Variants in DNAH14 observed in about 807,000 individuals in gnomAD.
The protein encoded by DNAH14 is axonemal beta dynein heavy chain 14.
A neutral mutation model predicts 520.9 loss-of-function variants in DNAH14; 478 were observed. That is an observed-to-expected ratio of 0.92 (90% confidence interval 0.85 to 0.99). The LOEUF is 0.99. Ranked by LOEUF, DNAH14 falls within the 50% of genes least tolerant of loss-of-function variation. The probability of loss-of-function intolerance (pLI) is 0.00; values close to 1 mark genes in which losing one functional copy is unlikely to be tolerated. For missense variants in DNAH14, 4,831 were observed against 5,234.5 expected (o/e 0.92, Z 2.38); for synonymous variants, 1,581 against 1,757.2 (o/e 0.90, Z 2.51).
In DNAH14 at chr1:225,232,094, A is replaced by G. The variant is rs1257207391; in HGVS notation, c.6518+943A>G. On this transcript the variant is annotated intron_variant, in intron 42 of 85. Transcript: ENST00000682510. The surrounding 1 kb of genome is among the most constrained non-coding windows in gnomAD (Gnocchi z 4.2). ...GTACTTATTAATATGTTTCAAAATAATATTTTTTAGCTTTGTGTGTTTTTA... is the reference window on the plus strand; with the variant it reads ...GTACTTATTAATATGTTTCAAAATAGTATTTTTTAGCTTTGTGTGTTTTTA... 6.6e-6 allele frequency among the ~76,000 whole-genome samples: 1 copy of G among 152,158 alleles called. No individual in the cohort carries two copies. The highest frequency in any genetic ancestry group is 6.6e-5 in the Admixed American group (1 of 15,260).
chr1:225,386,189 G>T (rs1019403599), intron 81 of DNAH14, among the ~76,000 whole-genome samples: 3 of 152,334 alleles, frequency 2.0e-5, no homozygotes, highest in African/African-American at 7.2e-5. Flanking sequence ...GTAGAAAGCT[G>T]AAACTGGATC....
chr1:225,033,513 G>A (rs1309175303), intron 11 of DNAH14, among the ~76,000 whole-genome samples: 1 of 151,894 alleles, frequency 6.6e-6, no homozygotes, highest in Non-Finnish European at 1.5e-5. Context: ...GGGTGATGCG[G>A]TTCTTCCAGC....
chr1:225,308,946 T>C (rs1197025236), intron 60 of DNAH14, among the ~76,000 whole-genome samples: 1 of 152,190 alleles, frequency 6.6e-6, no homozygotes, highest in East Asian at 1.9e-4. Flanking sequence ...TTGTCTTCCA[T>C]GTACAAAGGT....
intron 11 of DNAH14, 194 bp downstream of exon 11, chr1:225,024,059 G>T: frequency 8.3e-7 from 1 of 1,211,500 alleles, no homozygotes; most frequent in Non-Finnish European, 1.0e-6. Context: ...GCTATAGGAT[G>T]CGCAGTAAAA....
intron 1 of DNAH14, among the ~76,000 whole-genome samples, chr1:224,933,527 C>T (rs2058831631): frequency 6.6e-6 from 1 of 152,022 alleles, no homozygotes; most frequent in Non-Finnish European, 1.5e-5. Flanking sequence ...GAAAGGCTTT[C>T]AACTTTAATC....
intron 54 of DNAH14, among the ~76,000 whole-genome samples, chr1:225,286,286 A>G (rs2149963342): frequency 6.6e-6 from 1 of 152,296 alleles, no homozygotes; most frequent in Non-Finnish European, 1.5e-5. Context: ...TGTTTTCAAA[A>G]TGCTAGAGGA....
chr1:225,372,497 G>A (rs576884269), intron 77 of DNAH14, among the ~76,000 whole-genome samples: 1 of 152,258 alleles, frequency 6.6e-6, no homozygotes, highest in Non-Finnish European at 1.5e-5. Flanking sequence ...AAAAGTAAAT[G>A]ATACTGGCAC....
chr1:225,210,594 C>T (rs545011868), intron 41 of DNAH14, among the ~76,000 whole-genome samples: 2 of 152,162 alleles, frequency 1.3e-5, no homozygotes, highest in African/African-American at 4.8e-5. Flanking sequence ...CAGACTTAAA[C>T]ATTCCTTCTG....
chr1:225,326,756 G>A (rs892375823), intron 64 of DNAH14, among the ~76,000 whole-genome samples: 1 of 151,442 alleles, frequency 6.6e-6, no homozygotes, highest in African/African-American at 2.4e-5. Flanking sequence ...TCCTTTTTTT[G>A]CAACAATTAC....
intron 11 of DNAH14, among the ~76,000 whole-genome samples, chr1:225,026,171 A>T (rs2066105340): frequency 6.6e-6 from 1 of 151,806 alleles, no homozygotes; most frequent in South Asian, 2.1e-4. Flanking sequence ...AGAGTTCTTT[A>T]TTTATTAGAT....
chr1:225,281,111 C>A (rs768078666), intron 54 of DNAH14, among the ~76,000 whole-genome samples: 1 of 152,130 alleles, frequency 6.6e-6, no homozygotes, highest in Non-Finnish European at 1.5e-5. Flanking sequence ...AATATGGCAA[C>A]TTAAATTTAT....
chr1:225,392,193 C>T (rs770201100), intron 83 of DNAH14, 98 bp from the exon 84 acceptor site: 55 of 1,391,450 alleles, frequency 4.0e-5, no homozygotes, highest in Non-Finnish European at 4.7e-5. Flanking sequence ...TTTTCCTCCA[C>T]TCTTCCCTTT....
At chr1:225,056,823 C>T (rs2069164028) in intron 17 of DNAH14, among the ~76,000 whole-genome samples, 1 of 152,138 alleles carries the variant, frequency 6.6e-6, no homozygotes, top group South Asian at 2.1e-4. Context: ...TCAGGTTTGT[C>T]AAAGATCAGA....
At chr1:225,031,004 C>T (rs535467633) in intron 11 of DNAH14, among the ~76,000 whole-genome samples, 1 of 152,012 alleles carries the variant, frequency 6.6e-6, no homozygotes, top group South Asian at 2.1e-4. Context: ...TTTTAAAGCC[C>T]TGAACATGGT....
chr1:225,144,774 A>G (rs533988789), intron 29 of DNAH14, 146 bp downstream of exon 29: 36 of 680,748 alleles, frequency 5.3e-5, no homozygotes, highest in Non-Finnish European at 8.2e-5. Context: ...TAATTAATTC[A>G]TCAATGATGT....
At chr1:225,141,059 C>T (rs932307845) in intron 28 of DNAH14, 38 bp downstream of exon 28, 1 of 1,466,870 alleles carries the variant, frequency 6.8e-7, no homozygotes, top group East Asian at 2.5e-5. Context: ...ACAATAACTT[C>T]TCCCAAATAT....
At chr1:225,385,130 C>T (rs538770122) in intron 81 of DNAH14, among the ~76,000 whole-genome samples, 1 of 152,260 alleles carries the variant, frequency 6.6e-6, no homozygotes, top group South Asian at 2.1e-4. Flanking sequence ...ACAAAAACAA[C>T]ATGATTATCT....
chr1:225,265,898 A>AG (rs2093096418), intron 48 of DNAH14, among the ~76,000 whole-genome samples: 1 of 151,436 alleles, frequency 6.6e-6, no homozygotes, highest in Admixed American at 6.6e-5. Context: ...GTGATACAAA[A>AG]GGGGAGAAAC....
intron 37 of DNAH14, 26 bp from the exon 38 acceptor site, chr1:225,192,670 T>C (rs958050132): frequency 9.3e-6 from 14 of 1,504,018 alleles, no homozygotes; most frequent in Non-Finnish European, 1.3e-5. Context: ...TTAATGTCTT[T>C]AAAAACTACA....
Sources: allele counts gnomAD v4.1 joint callset (sites outside exome capture counted in the v4.1 genomes callset), GRCh38; gene constraint gnomAD v4.1.1; non-coding constraint Gnocchi (gnomAD v3.1); transcripts MANE v1.5; gene names NCBI Gene and HGNC (gene_info 2026-07-23, HGNC 2026-07-21).